FRMPD4: variants seen among roughly 807,000 people sequenced by gnomAD.
The protein encoded by FRMPD4 is FERM and PDZ domain containing 4.
A neutral mutation model predicts 94.1 loss-of-function variants in FRMPD4; 22 were observed. That is an observed-to-expected ratio of 0.23 (90% confidence interval 0.17 to 0.33). The LOEUF is 0.33. FRMPD4 is among the 10% of genes least tolerant of loss of function. The pLI is 1.00. For missense variants in FRMPD4, 1,111 were observed against 1,339.9 expected (o/e 0.83, Z 2.67); for synonymous variants, 631 against 548.6 (o/e 1.15, Z -2.10).
chrX:12,430,006 G>A (rs1223992705), intron 1 of FRMPD4, among the ~76,000 whole-genome samples: 1 of 111,740 alleles, frequency 8.9e-6, no homozygotes, highest in East Asian at 2.8e-4. Context: ...CCTTTATCTT[G>A]GGCTTTCTGG....
chrX:12,674,073 T>C (rs1330936992), intron 4 of FRMPD4, among the ~76,000 whole-genome samples: 2 of 112,530 alleles, frequency 1.8e-5, no homozygotes, highest in Non-Finnish European at 3.8e-5. Context: ...CTAGTCATGA[T>C]TTAAAAAAGA....
At position 12,473,529 on chromosome X, in the gene FRMPD4, A is replaced by T. The variant is rs1385452348; in HGVS notation, c.42-25151A>T. On this transcript the variant is annotated intron_variant, in intron 1 of 16. Coordinates refer to ENST00000675598, the MANE Select transcript of FRMPD4 (RefSeq NM_001368397.1). Reference sequence around the variant, plus strand: ...AAAGACACAGACTGGCAAATTGGATAAACAGTCAAGACCCATCAGTGTGCT... The same window carrying T: ...AAAGACACAGACTGGCAAATTGGATTAACAGTCAAGACCCATCAGTGTGCT... 1.3e-4 allele frequency among the ~76,000 whole-genome samples: 14 copies of T among 110,163 alleles called. No homozygotes were observed. The Admixed American group carries it at 1.3e-3, about 10-fold the overall frequency.
At chrX:12,080,429 C>T (rs1402631796) in intron 3 of FRMPD4, among the ~76,000 whole-genome samples, 2 of 111,986 alleles carry the variant, frequency 1.8e-5, no homozygotes, top group Non-Finnish European at 3.8e-5. Flanking sequence ...CACATATGTC[C>T]ACCAGGGAGT....
At chrX:12,685,982 G>C (rs1158950104) in intron 6 of FRMPD4, 115 bp from the exon 7 acceptor site, 1 of 394,370 alleles carries the variant, frequency 2.5e-6, no homozygotes, top group Non-Finnish European at 4.5e-6. Context: ...TGGCCTTAGA[G>C]AGTTTGATTG....
intron 1 of FRMPD4, among the ~76,000 whole-genome samples, chrX:12,494,005 G>C (rs2057819085): frequency 9.0e-6 from 1 of 111,469 alleles, no homozygotes. Context: ...TGGCAAACCT[G>C]GTATTTGAAC....
At chrX:11,837,972 C>T (rs1016430843) in intron 1 of FRMPD4, among the ~76,000 whole-genome samples, 1 of 111,388 alleles carries the variant, frequency 9.0e-6, no homozygotes, top group Admixed American at 9.6e-5. Flanking sequence ...GAATAAGACC[C>T]CCAACATGAA....
At chrX:12,598,434 A>ATCTC (rs775989267) in intron 2 of FRMPD4, among the ~76,000 whole-genome samples, 1 of 110,067 alleles carries the variant, frequency 9.1e-6, no homozygotes, top group Non-Finnish European at 1.9e-5. Flanking sequence ...TAAATAACCC[A>ATCTC]TCTCTCTCTC....
At chrX:12,329,173 G>C (rs2055333141) in intron 1 of FRMPD4, among the ~76,000 whole-genome samples, 1 of 111,732 alleles carries the variant, frequency 8.9e-6, no homozygotes, top group African/African-American at 3.3e-5. Context: ...TTTCTGTCTA[G>C]ATTCTTCTTG....
intron 3 of FRMPD4, among the ~76,000 whole-genome samples, chrX:11,896,194 T>C (rs1364488354): frequency 5.4e-5 from 6 of 111,768 alleles, no homozygotes; most frequent in African/African-American, 2.0e-4. Context: ...ATTGAAGTAT[T>C]TTAAAGAAAA....
chrX:11,926,172 C>A (rs1339047706), intron 3 of FRMPD4, among the ~76,000 whole-genome samples: 2 of 105,375 alleles, frequency 1.9e-5, no homozygotes, highest in African/African-American at 3.5e-5. Flanking sequence ...AATACACCCT[C>A]TCAAGACCGA....
At chrX:12,344,671 C>A (rs2055672123) in intron 1 of FRMPD4, among the ~76,000 whole-genome samples, 1 of 112,256 alleles carries the variant, frequency 8.9e-6, no homozygotes, top group Admixed American at 9.4e-5. Flanking sequence ...GATTCCTAAC[C>A]AAAGAGCATT....
At chrX:11,880,776 G>A (rs187875079) in intron 3 of FRMPD4, among the ~76,000 whole-genome samples, 8 of 111,391 alleles carry the variant, frequency 7.2e-5, no homozygotes, top group African/African-American at 2.3e-4. Context: ...CCAAGTAGCT[G>A]GAATTACAGG....
At chrX:12,150,207 T>C (rs1223763815) in intron 1 of FRMPD4, among the ~76,000 whole-genome samples, 1 of 112,349 alleles carries the variant, frequency 8.9e-6, no homozygotes, top group Non-Finnish European at 1.9e-5. Flanking sequence ...TTTGGCGAAT[T>C]GTGAATGAAT....
chrX:12,497,390 G>A (rs766822169), intron 1 of FRMPD4, among the ~76,000 whole-genome samples: 4 of 108,843 alleles, frequency 3.7e-5, no homozygotes, highest in African/African-American at 1.3e-4. Flanking sequence ...TTGGTTTTGC[G>A]TGTGGTTTTT....
intron 2 of FRMPD4, among the ~76,000 whole-genome samples, chrX:11,875,577 G>A (rs1252734771): frequency 8.9e-6 from 1 of 111,827 alleles, no homozygotes; most frequent in Non-Finnish European, 1.9e-5. Flanking sequence ...AATTTCCCAA[G>A]GCCAACAAGC....
chrX:12,314,372 T>C (rs1278461749), intron 1 of FRMPD4, among the ~76,000 whole-genome samples: 1 of 111,245 alleles, frequency 9.0e-6, no homozygotes, highest in Non-Finnish European at 1.9e-5. Flanking sequence ...GCCTAAATTG[T>C]CTGAAAGCTG....
intron 3 of FRMPD4, among the ~76,000 whole-genome samples, chrX:11,878,094 A>G (rs1342280635): frequency 8.9e-6 from 1 of 112,282 alleles, no homozygotes; most frequent in Non-Finnish European, 1.9e-5. Flanking sequence ...GCTTTTCAGT[A>G]GGATGAATTT....
At chrX:12,091,204 C>A (rs1482681479) in intron 3 of FRMPD4, among the ~76,000 whole-genome samples, 4 of 111,574 alleles carry the variant, frequency 3.6e-5, no homozygotes, top group African/African-American at 1.3e-4. Flanking sequence ...GCACCAGGAG[C>A]TTCAAGGACA....
At chrX:12,702,033 AT>A in intron 10 of FRMPD4, 23 bp downstream of exon 10, 1 of 1,197,019 alleles carries the variant, frequency 8.4e-7, no homozygotes, top group Admixed American at 2.2e-5. Context: ...TCTCAGCGCC[AT>A]TTCGGAGACA....
Sources: allele counts gnomAD v4.1 joint callset (sites outside exome capture counted in the v4.1 genomes callset), GRCh38; gene constraint gnomAD v4.1.1; transcripts MANE v1.5; gene names NCBI Gene and HGNC (gene_info 2026-07-23, HGNC 2026-07-21).